PIP5K1B: variants seen among roughly 807,000 people sequenced by gnomAD.
PIP5K1B encodes the protein phosphatidylinositol 4-phosphate 5-kinase type-1 beta.
In PIP5K1B, 42 loss-of-function variants were observed where a neutral mutation model predicts 67.0. That is an observed-to-expected ratio of 0.63 (90% CI 0.49 to 0.81). PIP5K1B has a LOEUF of 0.81. Ranked by LOEUF, PIP5K1B falls within the 30% of genes least tolerant of loss-of-function variation. The pLI is 0.00. For synonymous variants in PIP5K1B, 214 were observed against 231.4 expected, an observed-to-expected ratio of 0.92 and a Z score of 0.68; for missense variants, 459 against 646.3, an observed-to-expected ratio of 0.71 and a Z score of 3.14.
chr9:68,721,066 GTGGC>G (rs1389120516), intron 1 of PIP5K1B, among the ~76,000 whole-genome samples: 10 of 152,198 alleles, frequency 6.6e-5, no homozygotes, highest in Non-Finnish European at 1.3e-4. Flanking sequence ...AATGGGTAGG[GTGGC>G]TGTGGGTGGA....
At chr9:68,920,803 T>TACACACACACACACACACACAC (rs59573461) in intron 11 of PIP5K1B, among the ~76,000 whole-genome samples, 2 of 141,506 alleles carry the variant, frequency 1.4e-5, no homozygotes, top group Admixed American at 7.1e-5. Flanking sequence ...TACACACACA[T>TACACACACACACACACACACAC]ACACACACAC....
intron 2 of PIP5K1B, among the ~76,000 whole-genome samples, chr9:68,816,870 C>T (rs190620479): frequency 3.9e-5 from 6 of 152,214 alleles, no homozygotes; most frequent in Admixed American, 3.9e-4. Flanking sequence ...CATAATCCAT[C>T]TTCCAAAAAG....
intron 2 of PIP5K1B, among the ~76,000 whole-genome samples, chr9:68,757,836 A>T (rs1830002011): frequency 6.6e-6 from 1 of 152,174 alleles, no homozygotes; most frequent in African/African-American, 2.4e-5. Context: ...AAGTAAACAC[A>T]GTTTACTCTG....
chr9:68,855,193 T>C (rs1272120654), intron 4 of PIP5K1B, among the ~76,000 whole-genome samples: 1 of 152,162 alleles, frequency 6.6e-6, no homozygotes, highest in Non-Finnish European at 1.5e-5. Flanking sequence ...CAAACTCTCT[T>C]TTCTTGGTTT....
At chr9:68,833,291 G>C (rs1431178633) in intron 4 of PIP5K1B, among the ~76,000 whole-genome samples, 1 of 152,270 alleles carries the variant, frequency 6.6e-6, no homozygotes. Flanking sequence ...TCGCGAGTGT[G>C]TGAAGGAGGC....
chr9:68,721,973 G>A (rs571844300), intron 1 of PIP5K1B, among the ~76,000 whole-genome samples: 6 of 152,090 alleles, frequency 3.9e-5, no homozygotes, highest in South Asian at 4.2e-4. Context: ...CTACTGTTTC[G>A]GAAGACCTCT....
chr9:68,716,175 A>G (rs1238852582), intron 1 of PIP5K1B, among the ~76,000 whole-genome samples: 1 of 152,252 alleles, frequency 6.6e-6, no homozygotes, highest in African/African-American at 2.4e-5. Flanking sequence ...GAATATGGAC[A>G]TGCAGTTGAA....
chr9:68,919,748 T>A lies in PIP5K1B; in HGVS notation c.1116+19T>A, dbSNP rs1323794467. The A allele has an allele frequency of 7.1e-7, 1 of 1,411,510 alleles. No individual in the cohort carries two copies. The highest frequency in any genetic ancestry group is 1.0e-6 in the Non-Finnish European group (1 of 998,904). 87.4% of individuals were successfully genotyped at this position (1,411,510 alleles called of 1,614,324 possible). On this transcript the variant is annotated intron_variant, in intron 11 of 15. Coordinates refer to ENST00000265382, the MANE Select transcript of PIP5K1B (RefSeq NM_003558.4). ...TGATGGGGTAAGTGACTTATTTTCC[T>A]TATTATACTGTATATATTTCTGCTT...
Position 68,776,035 on chromosome 9 carries a change from A to G in PIP5K1B, c.-86+33378A>G, listed in dbSNP as rs567353511. Among the ~76,000 whole-genome samples the G allele has an allele frequency of 1.0e-3, 155 of 152,102 alleles. 1 individual carries two copies. The highest frequency in any genetic ancestry group is 3.6e-3 in the African/African-American group (148 of 41,498). ...TTCCTTAGTCGTGGGCTATAAATAT[A>G]TTTTCTTTTAATAGGTACAGCAAAA... On this transcript the variant is annotated intron_variant, in intron 2 of 15. Transcript: ENST00000265382.
At chr9:68,991,987 C>A (rs1315217531) in intron 15 of PIP5K1B, among the ~76,000 whole-genome samples, 1 of 150,362 alleles carries the variant, frequency 6.7e-6, no homozygotes, top group African/African-American at 2.4e-5. Flanking sequence ...TGGGGGGGGG[C>A]AGAGTTTTGC....
At chr9:68,737,778 A>G (rs775740122) in intron 1 of PIP5K1B, among the ~76,000 whole-genome samples, 21 of 152,232 alleles carry the variant, frequency 1.4e-4, no homozygotes, top group Non-Finnish European at 2.5e-4. Flanking sequence ...AACTATCATC[A>G]TATAAATTAT....
chr9:68,770,347 G>T (rs1830618463), intron 2 of PIP5K1B, among the ~76,000 whole-genome samples: 1 of 152,156 alleles, frequency 6.6e-6, no homozygotes, highest in Non-Finnish European at 1.5e-5. Flanking sequence ...CTCCTAAGGA[G>T]GGGCATGATT....
At chr9:68,855,413 C>G (rs1822717918) in intron 4 of PIP5K1B, among the ~76,000 whole-genome samples, 1 of 152,200 alleles carries the variant, frequency 6.6e-6, no homozygotes, top group Non-Finnish European at 1.5e-5. Flanking sequence ...GAAATATTCT[C>G]TCTAACCTCT....
intron 2 of PIP5K1B, chr9:68,780,609 A>C: frequency 1.2e-6 from 2 of 1,614,184 alleles, no homozygotes; most frequent in Non-Finnish European, 8.5e-7. Context: ...ACCGTCACCC[A>C]CTCGGGGAAT....
chr9:68,958,616 T>C (rs1828534697), intron 14 of PIP5K1B, among the ~76,000 whole-genome samples: 4 of 152,228 alleles, frequency 2.6e-5, no homozygotes, highest in African/African-American at 7.2e-5. Context: ...TATAATTCTT[T>C]GCTTTTTTTC....
intron 3 of PIP5K1B, 182 bp from the exon 4 acceptor site, chr9:68,822,433 G>T (rs1271434562): frequency 2.0e-6 from 1 of 497,484 alleles, no homozygotes; most frequent in Admixed American, 3.9e-5. Flanking sequence ...ATTTTTGAAA[G>T]ATTAAGGAAT....
At position 68,805,910 on chromosome 9, in the gene PIP5K1B, A is replaced by G. The variant is rs1352352454; in HGVS notation, c.-85-12551A>G. Reference sequence around the variant, plus strand: ...TGCTTGCTAGGGAGTATGGCTAGACATTACACAGCTGGAGAGTTGTCAGGC... The same window carrying G: ...TGCTTGCTAGGGAGTATGGCTAGACGTTACACAGCTGGAGAGTTGTCAGGC... On this transcript the variant is annotated intron_variant, in intron 2 of 15. Transcript: ENST00000265382. 2.0e-5 allele frequency among the ~76,000 whole-genome samples: 3 copies of G among 152,176 alleles called. No homozygotes were observed. In the East Asian group the frequency reaches 5.8e-4, roughly 29 times the overall value.
At chr9:68,789,363 C>T (rs1831826964) in intron 2 of PIP5K1B, 1 of 389,796 alleles carries the variant, frequency 2.6e-6, no homozygotes, top group Non-Finnish European at 4.9e-6. Context: ...TCACATTGTC[C>T]TTCATCACTA....
At chr9:68,778,845 T>C (rs532578189) in intron 2 of PIP5K1B, among the ~76,000 whole-genome samples, 1 of 152,308 alleles carries the variant, frequency 6.6e-6, no homozygotes, top group East Asian at 1.9e-4. Flanking sequence ...TTCTGCTAAC[T>C]CATCAAACTC....
Sources: gnomAD v4.1 joint callset for allele counts (sites outside exome capture counted in the v4.1 genomes callset) on GRCh38, gnomAD v4.1.1 for gene constraint, MANE v1.5 for transcripts, NCBI Gene and HGNC (gene_info 2026-07-23, HGNC 2026-07-21) for gene names.